The following DGCR8 variants were observed in gnomAD, a reference collection of about 807,000 sequenced individuals.
The protein encoded by DGCR8 is DGCR8 microprocessor complex subunit.
Under a neutral mutation model 78.5 loss-of-function variants are expected in DGCR8, and 14 were observed. That is an observed-to-expected ratio of 0.18 (90% CI 0.12 to 0.28). DGCR8 has a LOEUF of 0.28. Ranked by LOEUF, DGCR8 falls within the 10% of genes least tolerant of loss-of-function variation. The pLI is 1.00. For synonymous variants in DGCR8, 399 were observed against 402.4 expected (o/e 0.99, Z 0.10); for missense variants, 702 against 1,022.5 (o/e 0.69, Z 4.28).
chr22:20,086,161 C>A lies in DGCR8; in HGVS notation c.198C>A (p.Pro66=), dbSNP rs770483438. 1.9e-5 allele frequency: 31 copies of A among 1,614,046 alleles called. No homozygotes were observed. Among genetic ancestry groups the A allele is most frequent in the Non-Finnish European group, 2.5e-5 (30 of 1,180,036 alleles). Reference sequence around the variant, plus strand: ...AGTCCGAACTCCCTGCTGAGGACCCCTTCAACTTCTACGGAGCTTCTCTTC... The same window carrying A: ...AGTCCGAACTCCCTGCTGAGGACCCATTCAACTTCTACGGAGCTTCTCTTC... ...DGQSELPAED[P]FNFYGASLLS... is the part of the protein sequence containing the mutation. Residue 66 remains proline (P), a synonymous_variant, in exon 2 of 14, where the codon CCC becomes CCA. Transcript: ENST00000351989. This position sits in a 1 kb window ranked among gnomAD's most constrained non-coding sequence, Gnocchi z 6.4.
chr22:20,109,945 G>A, intron 13 of DGCR8, 80 bp from the exon 14 acceptor site: 1 of 1,383,898 alleles, frequency 7.2e-7, no homozygotes, highest in Non-Finnish European at 1.0e-6. Flanking sequence ...GATCTGCTGG[G>A]CTCTCCCTCC....
intron 9 of DGCR8, among the ~76,000 whole-genome samples, chr22:20,104,037 A>T (rs1315004661): frequency 8.5e-5 from 13 of 152,208 alleles, no homozygotes; most frequent in Admixed American, 7.9e-4. Context: ...ATTTGTCTGC[A>T]GGTCACTTCT....
At position 20,085,601 on chromosome 22, in the gene DGCR8, G is replaced by C; in HGVS notation, c.-277-86G>C. The C allele has an allele frequency of 8.8e-7, 1 of 1,131,748 alleles. No homozygotes were observed. The highest frequency in any genetic ancestry group is 1.1e-6 in the Non-Finnish European group (1 of 888,204). The allele number at this position is 1,131,748 out of a possible 1,614,324, so 70.1% of individuals were successfully genotyped here. A position where few individuals can be genotyped will look rare whatever the true frequency, so the allele number is the denominator to read the frequency against. On this transcript the variant is annotated intron_variant, in intron 1 of 13. Transcript: ENST00000351989. The surrounding 1 kb of genome is among the most constrained non-coding windows in gnomAD (Gnocchi z 6.2). ...TTATTTTGAAGCCCTTTACTATGCT[G>C]TTAATAGTGCTTGGCTTTTAACTTG...
At position 20,107,299 on chromosome 22, in the gene DGCR8, A is replaced by C; in HGVS notation, c.2025A>C (p.Leu675Phe). 6.2e-7 allele frequency: 1 copy of C among 1,614,202 alleles called. No homozygotes were observed. The highest frequency in any genetic ancestry group is 8.5e-7 in the Non-Finnish European group (1 of 1,180,016). ...WCKNKRVGKQ[L>F]ASQKILQLLH... ...AGAACAAGAGAGTTGGAAAGCAGTT[A>C]GCCTCACAGAAGATCCTTCAGCTGC... Residue 675 changes from leucine to phenylalanine, a missense_variant, in exon 12 of 14, where the codon TTA becomes TTC. Physicochemically the swap from Leu to Phe is conservative, Grantham distance 22. This residue lies in a region of DGCR8 where 225 missense variants were observed against 427.7 expected (regional missense o/e 0.53). Transcript: ENST00000351989.
rs1051603657 is a variant in DGCR8, at chr22:20,085,848, G to A, written c.-116G>A. The A allele has an allele frequency of 3.4e-6, 5 of 1,490,914 alleles. No homozygotes were observed. Among genetic ancestry groups the A allele is most frequent in the Non-Finnish European group, 4.4e-6 (5 of 1,127,768 alleles). 92.4% of individuals were successfully genotyped at this position (1,490,914 alleles called of 1,614,324 possible). A position where few individuals can be genotyped will look rare whatever the true frequency, so the allele number is the denominator to read the frequency against. ...TGGCCAGCTTGACTAAGCCGCCAGCGCACAGCGCGGCAGGACGCGCCCGGG... is the reference window on the plus strand; with the variant it reads ...TGGCCAGCTTGACTAAGCCGCCAGCACACAGCGCGGCAGGACGCGCCCGGG... On this transcript the variant is annotated 5_prime_UTR_variant, in exon 2 of 14. Coordinates refer to ENST00000351989, the MANE Select transcript of DGCR8 (RefSeq NM_022720.7). This position sits in a 1 kb window ranked among gnomAD's most constrained non-coding sequence, Gnocchi z 6.2.
intron 8 of DGCR8, among the ~76,000 whole-genome samples, chr22:20,093,981 G>T (rs189951152): frequency 1.3e-5 from 2 of 152,322 alleles, no homozygotes; most frequent in African/African-American, 4.8e-5. Context: ...GACTTTTGCA[G>T]CTCAACAAAG....
Position 20,086,483 on chromosome 22 carries a change from A to G in DGCR8, c.520A>G (p.Ile174Val), listed in dbSNP as rs35987994. Residue 174 changes from isoleucine to valine, a missense_variant, in exon 2 of 14, where the codon ATA becomes GTA. Around this residue, in one of 4 missense-constraint regions of DGCR8, gnomAD observed 356 missense variants for 448.9 expected, o/e 0.79. Coordinates refer to ENST00000351989, the MANE Select transcript of DGCR8 (RefSeq NM_022720.7). The surrounding 1 kb of genome is among the most constrained non-coding windows in gnomAD (Gnocchi z 6.4). ...CGGGAGTGTTGGTGACGGGGTAGGC[A>G]TAGGGGGTGAGAGTGCTGATAAGAA... ...FGGSVGDGVG[I>V]GGESADKKDE... The G allele has an allele frequency of 0.054, 87,798 of 1,613,916 alleles. 2,663 individuals are homozygous for G. The highest frequency in any genetic ancestry group is 0.099 in the South Asian group (8,985 of 91,068).
Position 20,107,417 on chromosome 22 carries a change from G to T in DGCR8, c.2124+19G>T. On this transcript the variant is annotated intron_variant, in intron 12 of 13. Coordinates refer to ENST00000351989, the MANE Select transcript of DGCR8 (RefSeq NM_022720.7). ...CAAGCAGGTAACTGGCCATCAGCAG[G>T]TCCCAGGGCAGCCTGTGCTGCCACC... is the stretch of plus-strand genomic sequence containing the variant. The T allele has an allele frequency of 1.2e-6, 2 of 1,613,618 alleles. No homozygotes were observed. Among genetic ancestry groups the T allele is most frequent in the Non-Finnish European group, 1.7e-6 (2 of 1,179,828 alleles).
rs2049569915 is a variant in DGCR8 at position 20,091,988 on chromosome 22, C to T, written c.1606+18C>T. 1.3e-6 allele frequency: 2 copies of T among 1,590,222 alleles called. No homozygotes were observed. Among genetic ancestry groups the T allele is most frequent in the Non-Finnish European group, 8.6e-7 (1 of 1,161,178 alleles). On this transcript the variant is annotated intron_variant, in intron 7 of 13. Transcript: ENST00000351989. Reference sequence around the variant, plus strand: ...TGAATGTGGTAAGTCTAACCTTCCCCATTTCAGTCCTAAAGAATCACAAGG... The same window carrying T: ...TGAATGTGGTAAGTCTAACCTTCCCTATTTCAGTCCTAAAGAATCACAAGG...
intron 9 of DGCR8, chr22:20,101,801 A>C (rs894650803): frequency 2.0e-6 from 2 of 985,168 alleles, no homozygotes; most frequent in Non-Finnish European, 2.4e-6. Context: ...AGGTGCCAAC[A>C]CCTGTCCTTG....
Position 20,107,317 on chromosome 22 carries a change from T to A in DGCR8, c.2043T>A (p.Leu681=). ...AGCAGTTAGCCTCACAGAAGATCCT[T>A]CAGCTGCTGCACCCACATGTCAAGA... ...VGKQLASQKI[L]QLLHPHVKNW... The change falls in exon 12 of 14, where the codon CTT becomes CTA. Residue 681 remains leucine, a synonymous_variant. Transcript: ENST00000351989. The A allele has an allele frequency of 6.2e-7, 1 of 1,614,152 alleles. No homozygotes were observed. Among genetic ancestry groups the A allele is most frequent in the Non-Finnish European group, 8.5e-7 (1 of 1,180,012 alleles).
At chr22:20,091,994 A>C (rs747263923) in intron 7 of DGCR8, 24 bp downstream of exon 7, 1 of 1,581,574 alleles carries the variant, frequency 6.3e-7, no homozygotes, top group African/African-American at 1.3e-5. Context: ...TCCCCATTTC[A>C]GTCCTAAAGA....
At chr22:20,084,637 G>A (rs2049456862) in intron 1 of DGCR8, among the ~76,000 whole-genome samples, 1 of 152,196 alleles carries the variant, frequency 6.6e-6, no homozygotes, top group Non-Finnish European at 1.5e-5. Context: ...AGCCTGCCTG[G>A]AGGTCCCCTC....
At chr22:20,090,967 C>T (rs985018118) in intron 5 of DGCR8, among the ~76,000 whole-genome samples, 21 of 152,174 alleles carry the variant, frequency 1.4e-4, no homozygotes, top group South Asian at 1.0e-3. Context: ...GGAAGTGGCC[C>T]GGGAGGAAAT....
Position 20,092,924 on chromosome 22 carries a change from G to A in DGCR8, c.1705+17G>A, listed in dbSNP as rs2286925. 0.037 allele frequency: 58,747 copies of A among 1,605,154 alleles called. 1,556 individuals are homozygous for A. The highest frequency in any genetic ancestry group is 0.096 in the East Asian group (4,278 of 44,602). On this transcript the variant is annotated intron_variant, in intron 8 of 13. Transcript: ENST00000351989. ...ATAAAGCTGGTAACGTGCTTGCTTG[G>A]GTGTCAAAGATACGTGCTGCCTGCT...
chr22:20,092,409 C>T (rs2049576250), intron 7 of DGCR8, among the ~76,000 whole-genome samples: 1 of 152,208 alleles, frequency 6.6e-6, no homozygotes, highest in African/African-American at 2.4e-5. Context: ...AGTCTGTCTT[C>T]CCCTTGGAAG....
chr22:20,107,260 T>C lies in DGCR8; in HGVS notation c.1997-11T>C, dbSNP rs750959838. 4.3e-6 allele frequency: 7 copies of C among 1,614,100 alleles called. No individual in the cohort carries two copies. Among genetic ancestry groups the C allele is most frequent in the Non-Finnish European group, 5.9e-6 (7 of 1,179,988 alleles). Reference sequence around the variant, plus strand: ...TGACCCCCTCTCCATGCTTGCTCTTTCTCTGTGTAGGTAAGAACAAGAGAG... The same window carrying C: ...TGACCCCCTCTCCATGCTTGCTCTTCCTCTGTGTAGGTAAGAACAAGAGAG... On this transcript the variant is annotated splice_polypyrimidine_tract_variant and intron_variant, in intron 11 of 13. Coordinates refer to ENST00000351989, the MANE Select transcript of DGCR8 (RefSeq NM_022720.7).
At chr22:20,095,277 T>C (rs2049614797) in intron 9 of DGCR8, among the ~76,000 whole-genome samples, 1 of 152,164 alleles carries the variant, frequency 6.6e-6, no homozygotes, top group Admixed American at 6.5e-5. Flanking sequence ...GGCTAATTTT[T>C]GTATTTTTAG....
Position 20,085,572 on chromosome 22 carries a change from A to T in DGCR8, c.-277-115A>T. On this transcript the variant is annotated intron_variant, in intron 1 of 13. Transcript: ENST00000351989. This position sits in a 1 kb window ranked among gnomAD's most constrained non-coding sequence, Gnocchi z 6.2. ...TGATGCCTAAAAAGTCCTCTTAGGG[A>T]ATATTATTTTGAAGCCCTTTACTAT... 2 of 806,266 alleles carry T rather than the reference A, an allele frequency of 2.5e-6. No homozygotes were observed. The allele number at this position is 806,266 out of a possible 1,614,324, so 49.9% of individuals were successfully genotyped here.
Sources: allele counts gnomAD v4.1 joint callset (sites outside exome capture counted in the v4.1 genomes callset), GRCh38; gene constraint gnomAD v4.1.1; regional missense constraint gnomAD v4.1.1; non-coding constraint Gnocchi (gnomAD v3.1); transcripts MANE v1.5; gene names NCBI Gene and HGNC (gene_info 2026-07-23, HGNC 2026-07-21).